NECAB1: variants seen among roughly 807,000 people sequenced by gnomAD.
NECAB1 encodes the protein N-terminal EF-hand calcium-binding protein 1.
A neutral mutation model predicts 57.5 loss-of-function variants in NECAB1; 29 were observed. The ratio of observed to expected loss-of-function variants is 0.50; its 90% CI spans 0.38 to 0.69. The LOEUF (loss-of-function observed/expected upper bound fraction) is 0.69, where lower values mean the gene tolerates loss of function less well. NECAB1 is among the 30% of genes least tolerant of loss of function. The probability of loss-of-function intolerance (pLI) is 0.00; values close to 1 mark genes in which losing one functional copy is unlikely to be tolerated. For missense variants in NECAB1, 372 were observed against 413.8 expected (o/e 0.90, Z 0.88); for synonymous variants, 142 against 147.7 (o/e 0.96, Z 0.28).
chr8:90,910,458 C>T (rs78637246), intron 5 of NECAB1, among the ~76,000 whole-genome samples: 2,517 of 152,248 alleles, frequency 0.017, 17 homozygotes, highest in East Asian at 0.034. Flanking sequence ...CTTCACAGGG[C>T]TTCCTCTTAA....
At chr8:90,829,368 A>G (rs931744920) in intron 3 of NECAB1, among the ~76,000 whole-genome samples, 5 of 152,120 alleles carry the variant, frequency 3.3e-5, no homozygotes, top group African/African-American at 1.2e-4. Context: ...AGTTAGCTAT[A>G]GGAAACTATG....
intron 6 of NECAB1, among the ~76,000 whole-genome samples, chr8:90,918,710 G>A (rs773892213): frequency 9.9e-5 from 15 of 152,090 alleles, no homozygotes; most frequent in South Asian, 2.1e-4. Context: ...AGAGGGATCC[G>A]TCTCACCCAC....
At chr8:90,927,610 T>TACACACAC (rs71560287) in intron 7 of NECAB1, among the ~76,000 whole-genome samples, 10,013 of 143,842 alleles carry the variant, frequency 0.07, 350 homozygotes, top group Middle Eastern at 0.11. Flanking sequence ...TGGTGCTAGA[T>TACACACAC]ACACACACAC....
intron 5 of NECAB1, among the ~76,000 whole-genome samples, chr8:90,896,865 G>A (rs1358929951): frequency 2.0e-5 from 3 of 151,614 alleles, no homozygotes; most frequent in African/African-American, 4.8e-5. Flanking sequence ...CCTGACTCCC[G>A]CCAAAGCACT....
intron 1 of NECAB1, among the ~76,000 whole-genome samples, chr8:90,797,217 T>C (rs1316994178): frequency 6.6e-6 from 1 of 152,190 alleles, no homozygotes; most frequent in African/African-American, 2.4e-5. Flanking sequence ...CTCTTACTAT[T>C]GAAAGCAGTC....
At position 90,958,919 on chromosome 8, in the gene NECAB1, T is replaced by C. The variant is rs1394037337; in HGVS notation, c.*3407T>C. The C allele has an allele frequency of 2.7e-5, 20 of 731,652 alleles. No individual in the cohort carries two copies. In the South Asian group the frequency reaches 3.2e-4, roughly 12 times the overall value. 45.3% of individuals were successfully genotyped at this position (731,652 alleles called of 1,614,324 possible). A position where few individuals can be genotyped will look rare whatever the true frequency, so the allele number is the denominator to read the frequency against. ...GCCAACCATCAAAATTAAGAATAAA[T>C]TGAATTGTCACAGTCCATTACAGTT... is the stretch of plus-strand genomic sequence containing the variant. On this transcript the variant is annotated 3_prime_UTR_variant, in exon 13 of 13. Transcript: ENST00000417640.
intron 8 of NECAB1, among the ~76,000 whole-genome samples, chr8:90,932,883 A>T (rs1227741708): frequency 1.3e-5 from 2 of 152,204 alleles, no homozygotes; most frequent in Non-Finnish European, 2.9e-5. Flanking sequence ...TGGGGACATT[A>T]GGACATTAGC....
At chr8:90,934,248 T>C (rs1810476739) in intron 8 of NECAB1, 56 bp from the exon 9 acceptor site, 2 of 1,223,080 alleles carry the variant, frequency 1.6e-6, no homozygotes, top group Admixed American at 2.6e-5. Context: ...ATATATGGCA[T>C]TGTTTTAAAT....
intron 3 of NECAB1, among the ~76,000 whole-genome samples, chr8:90,852,455 G>A (rs570980074): frequency 5.3e-5 from 8 of 152,176 alleles, no homozygotes; most frequent in Non-Finnish European, 1.0e-4. Flanking sequence ...ATTCTAGGCA[G>A]AAGAGGCAGG....
chr8:90,887,133 T>C (rs1194668153), intron 5 of NECAB1, among the ~76,000 whole-genome samples: 1 of 152,188 alleles, frequency 6.6e-6, no homozygotes, highest in Admixed American at 6.5e-5. Flanking sequence ...CCTTTACTGA[T>C]ATTACAGCTT....
At chr8:90,817,379 C>T (rs1812076355) in intron 2 of NECAB1, among the ~76,000 whole-genome samples, 1 of 151,574 alleles carries the variant, frequency 6.6e-6, no homozygotes, top group African/African-American at 2.4e-5. Context: ...AAAAAGGATA[C>T]TTCCTAGGAT....
chr8:90,896,240 T>C (rs917485740), intron 5 of NECAB1, among the ~76,000 whole-genome samples: 2 of 152,190 alleles, frequency 1.3e-5, no homozygotes, highest in African/African-American at 4.8e-5. Context: ...TTTAAAAAGT[T>C]TGAAAAGAAA....
chr8:90,801,666 A>G, intron 1 of NECAB1, 25 bp from the exon 2 acceptor site: 3 of 1,490,190 alleles, frequency 2.0e-6, no homozygotes, highest in East Asian at 2.5e-5. Context: ...AATGCTGATA[A>G]AATTTTTTCC....
At chr8:90,801,062 C>A (rs1811749733) in intron 1 of NECAB1, among the ~76,000 whole-genome samples, 1 of 152,042 alleles carries the variant, frequency 6.6e-6, no homozygotes, top group Non-Finnish European at 1.5e-5. Flanking sequence ...TACTCTTTAC[C>A]CATGATGTAT....
In NECAB1 at chr8:90,958,112, A is replaced by C. The variant is rs1241393027; in HGVS notation, c.*2600A>C. Reference sequence around the variant, plus strand: ...TTTTTTTTTTTTTTTAAACAGTAACATCCAGAGTGACAAATTGCAGGAGAT... The same window carrying C: ...TTTTTTTTTTTTTTTAAACAGTAACCTCCAGAGTGACAAATTGCAGGAGAT... On this transcript the variant is annotated 3_prime_UTR_variant, in exon 13 of 13. Transcript: ENST00000417640. The C allele has an allele frequency of 6.7e-6, 1 of 148,868 alleles. No individual in the cohort carries two copies. The highest frequency in any genetic ancestry group is 1.5e-5 in the Non-Finnish European group (1 of 67,068). 9.2% of individuals were successfully genotyped at this position (148,868 alleles called of 1,614,324 possible).
At position 90,829,030 on chromosome 8, in the gene NECAB1, A is replaced by G. The variant is rs1350757907; in HGVS notation, c.233+4205A>G. Among the ~76,000 whole-genome samples, 7 of 151,918 alleles carry G rather than the reference A, an allele frequency of 4.6e-5. No homozygotes were observed. In the South Asian group the frequency reaches 8.3e-4, roughly 18 times the overall value. ...CTGGGCCAAATATGCTTAATCTTCC[A>G]TTTTCTTTTAAAAAATTGTTAATCT... is the stretch of plus-strand genomic sequence containing the variant. On this transcript the variant is annotated intron_variant, in intron 3 of 12. Coordinates refer to ENST00000417640, the MANE Select transcript of NECAB1 (RefSeq NM_022351.5).
chr8:90,824,708 C>T lies in NECAB1; in HGVS notation c.125-9C>T, dbSNP rs1199508995. On this transcript the variant is annotated splice_polypyrimidine_tract_variant and intron_variant, in intron 2 of 12. Coordinates refer to ENST00000417640, the MANE Select transcript of NECAB1 (RefSeq NM_022351.5). ...AATAATTTGTGTCTCTTTGTTCTTG[C>T]CATTTCAGATGATGGAAAATTATCC... 6.7e-7 allele frequency: 1 copy of T among 1,482,008 alleles called. No individual in the cohort carries two copies. The highest frequency in any genetic ancestry group is 9.1e-7 in the Non-Finnish European group (1 of 1,094,340). 91.8% of individuals were successfully genotyped at this position (1,482,008 alleles called of 1,614,324 possible).
At chr8:90,801,500 G>A (rs556312640) in intron 1 of NECAB1, among the ~76,000 whole-genome samples, 191 bp from the exon 2 acceptor site, 73 of 152,076 alleles carry the variant, frequency 4.8e-4, no homozygotes, top group African/African-American at 1.7e-3. Flanking sequence ...GTTCATTCAC[G>A]GTTTGTTTAT....
chr8:90,833,957 G>A (rs1812329892), intron 3 of NECAB1, among the ~76,000 whole-genome samples: 1 of 152,094 alleles, frequency 6.6e-6, no homozygotes, highest in African/African-American at 2.4e-5. Context: ...GAGATCAAGA[G>A]TTCGAGACCA....
Sources: allele counts gnomAD v4.1 joint callset (sites outside exome capture counted in the v4.1 genomes callset), GRCh38; gene constraint gnomAD v4.1.1; transcripts MANE v1.5; gene names NCBI Gene and HGNC (gene_info 2026-07-23, HGNC 2026-07-21).